MSI2: variants seen among roughly 807,000 people sequenced by gnomAD.
MSI2 encodes the protein musashi RNA binding protein 2, also known as RNA-binding protein Musashi homolog 2.
MSI2 carries 17 observed loss-of-function variants against 45.6 expected under a neutral mutation model. The ratio of observed to expected loss-of-function variants is 0.37; its 90% CI spans 0.26 to 0.56. The LOEUF (loss-of-function observed/expected upper bound fraction) is 0.56, where lower values mean the gene tolerates loss of function less well. Among genes scored for constraint, MSI2 ranks in the 20% least tolerant of loss-of-function variants. MSI2 has a pLI of 0.77. For synonymous variants in MSI2, 156 were observed against 158.2 expected (o/e 0.99, Z 0.11); for missense variants, 293 against 444.2 (o/e 0.66, Z 3.06).
chr17:57,444,666 C>T (rs2084862868), intron 6 of MSI2: 1 of 152,070 alleles, frequency 6.6e-6, no homozygotes, highest in Non-Finnish European at 1.5e-5. Flanking sequence ...GATCTTTCCA[C>T]TAGGCCATCC....
At chr17:57,469,489 G>A (rs116076994) in intron 6 of MSI2, among the ~76,000 whole-genome samples, 222 of 152,272 alleles carry the variant, frequency 1.5e-3, no homozygotes, top group African/African-American at 5.1e-3. Flanking sequence ...ATGGTCTCCC[G>A]AGCAGGTTTT....
intron 7 of MSI2, among the ~76,000 whole-genome samples, chr17:57,540,322 G>A (rs970326375): frequency 2.0e-5 from 3 of 152,132 alleles, no homozygotes; most frequent in African/African-American, 7.2e-5. Flanking sequence ...CGGGAATGGA[G>A]GCTCAGGCTT....
chr17:57,275,019 C>T (rs191631561), intron 5 of MSI2, among the ~76,000 whole-genome samples: 9 of 152,290 alleles, frequency 5.9e-5, no homozygotes, highest in South Asian at 2.1e-4. Flanking sequence ...AAAGCCATCT[C>T]GAACATGGGA....
chr17:57,392,933 G>A (rs2083821314), intron 5 of MSI2, among the ~76,000 whole-genome samples: 2 of 152,084 alleles, frequency 1.3e-5, no homozygotes, highest in South Asian at 2.1e-4. Context: ...TTAAAATGGT[G>A]CAATTCAATG....
chr17:57,328,149 A>G (rs899597856), intron 5 of MSI2, among the ~76,000 whole-genome samples: 5 of 152,202 alleles, frequency 3.3e-5, no homozygotes, highest in African/African-American at 1.2e-4. Flanking sequence ...CTTTATGGCA[A>G]AAATCCCAAA....
chr17:57,655,331 C>G (rs1401207232), intron 11 of MSI2, among the ~76,000 whole-genome samples: 1 of 152,212 alleles, frequency 6.6e-6, no homozygotes, highest in Non-Finnish European at 1.5e-5. Context: ...GTTCCAGTGG[C>G]CCCATCATGT....
intron 8 of MSI2, among the ~76,000 whole-genome samples, chr17:57,603,841 A>G (rs1025687564): frequency 6.6e-6 from 1 of 152,276 alleles, no homozygotes; most frequent in Non-Finnish European, 1.5e-5. Flanking sequence ...GAGCAGGCCC[A>G]GTCAGGGTGC....
intron 6 of MSI2, among the ~76,000 whole-genome samples, chr17:57,415,607 T>C (rs2084279874): frequency 6.6e-6 from 1 of 152,106 alleles, no homozygotes; most frequent in Non-Finnish European, 1.5e-5. Flanking sequence ...GGCACATGGG[T>C]ATTTAATGAT....
rs137969542 is a variant in MSI2 at position 57,294,379 on chromosome 17, C to T, written c.312+32187C>T. Among the ~76,000 whole-genome samples, 618 of 152,134 alleles carry T rather than the reference C, an allele frequency of 4.1e-3. 1 individual carries two copies. The highest frequency in any genetic ancestry group is 0.014 in the African/African-American group (574 of 41,506). On this transcript the variant is annotated intron_variant, in intron 5 of 13. Coordinates refer to ENST00000284073, the MANE Select transcript of MSI2 (RefSeq NM_138962.4). ...ATCTCAGGGGGCCGTGGCAGATGAA[C>T]GAGATGTGGCAAAAGCTGGCGTGGC... is the stretch of plus-strand genomic sequence containing the variant.
intron 6 of MSI2, among the ~76,000 whole-genome samples, chr17:57,512,566 GA>G (rs2086377099): frequency 6.6e-6 from 1 of 152,242 alleles, no homozygotes; most frequent in Non-Finnish European, 1.5e-5. Flanking sequence ...ACAGAACTCA[GA>G]GGCCGCAGAG....
chr17:57,320,857 CA>C (rs1184222818), intron 5 of MSI2, among the ~76,000 whole-genome samples: 1 of 152,070 alleles, frequency 6.6e-6, no homozygotes, highest in Non-Finnish European at 1.5e-5. Flanking sequence ...AGGGCTCTGG[CA>C]GCTGTCTCAG....
At chr17:57,320,332 C>T (rs1337318150) in intron 5 of MSI2, among the ~76,000 whole-genome samples, 1 of 152,120 alleles carries the variant, frequency 6.6e-6, no homozygotes, top group East Asian at 1.9e-4. Context: ...TGCTTTTTGC[C>T]TCTCTTGGGG....
chr17:57,558,167 G>C (rs1233021098), intron 7 of MSI2, among the ~76,000 whole-genome samples: 1 of 152,120 alleles, frequency 6.6e-6, no homozygotes, highest in East Asian at 1.9e-4. Context: ...AGATTACAAA[G>C]AGAAATTCCA....
At chr17:57,502,612 T>TATATATATATAC (rs2086135247) in intron 6 of MSI2, among the ~76,000 whole-genome samples, 1 of 109,296 alleles carries the variant, frequency 9.1e-6, no homozygotes, top group Non-Finnish European at 1.9e-5. Flanking sequence ...GATATATATA[T>TATATATATATAC]ATATATATAT....
intron 5 of MSI2, among the ~76,000 whole-genome samples, chr17:57,311,046 T>G (rs554001581): frequency 6.6e-6 from 1 of 152,244 alleles, no homozygotes; most frequent in Admixed American, 6.5e-5. Flanking sequence ...CTCTGCAACA[T>G]GTGTCAAATT....
chr17:57,677,265 C>T (rs1022047587), intron 13 of MSI2, among the ~76,000 whole-genome samples: 8 of 152,202 alleles, frequency 5.3e-5, no homozygotes, highest in African/African-American at 1.9e-4. Flanking sequence ...AATCATGACC[C>T]CCACCTTTTT....
At chr17:57,560,369 G>A (rs960213558) in intron 7 of MSI2, among the ~76,000 whole-genome samples, 2 of 152,214 alleles carry the variant, frequency 1.3e-5, no homozygotes, top group East Asian at 1.9e-4. Flanking sequence ...GTGCCCCTCC[G>A]AGGAGCCCTG....
chr17:57,350,578 C>T (rs533509629), intron 5 of MSI2, among the ~76,000 whole-genome samples: 1 of 152,238 alleles, frequency 6.6e-6, no homozygotes, highest in South Asian at 2.1e-4. Context: ...TCTCACACCC[C>T]ACCACACTGA....
At chr17:57,603,848 G>A (rs778235736) in intron 8 of MSI2, among the ~76,000 whole-genome samples, 22 of 152,260 alleles carry the variant, frequency 1.4e-4, no homozygotes, top group Non-Finnish European at 2.9e-4. Context: ...CCCAGTCAGG[G>A]TGCTCCTTGT....
Sources: allele counts gnomAD v4.1 joint callset (sites outside exome capture counted in the v4.1 genomes callset), GRCh38; gene constraint gnomAD v4.1.1; transcripts MANE v1.5; gene names NCBI Gene and HGNC (gene_info 2026-07-23, HGNC 2026-07-21).